MITF: variants seen among roughly 807,000 people sequenced by gnomAD.
MITF encodes microphthalmia-associated transcription factor.
In MITF, 17 loss-of-function variants were observed where a neutral mutation model predicts 60.5. That is an observed-to-expected ratio of 0.28 (90% CI 0.19 to 0.42). The LOEUF is 0.42. Ranked by LOEUF, MITF falls within the 10% of genes least tolerant of loss-of-function variation. The pLI is 1.00. For missense variants in MITF, 622 were observed against 683.5 expected, an observed-to-expected ratio of 0.91 and a Z score of 1.00; for synonymous variants, 260 against 248.5, an observed-to-expected ratio of 1.05 and a Z score of -0.43.
chr3:69,879,991 G>A (rs2064448549), intron 2 of MITF, among the ~76,000 whole-genome samples: 2 of 152,072 alleles, frequency 1.3e-5, no homozygotes, highest in African/African-American at 4.8e-5. Context: ...AATTACTAAG[G>A]AAAATTGTAA....
At chr3:69,772,896 CTG>C in intron 1 of MITF, among the ~76,000 whole-genome samples, 1 of 152,210 alleles carries the variant, frequency 6.6e-6, no homozygotes, top group Admixed American at 6.5e-5. Flanking sequence ...GGGCACCAAA[CTG>C]TTGAAAATCT....
intron 2 of MITF, among the ~76,000 whole-genome samples, chr3:69,919,754 A>G (rs759346236): frequency 6.6e-6 from 1 of 152,168 alleles, no homozygotes; most frequent in Non-Finnish European, 1.5e-5. Flanking sequence ...TTTAAAAAAT[A>G]GATTGGAAAG....
At chr3:69,882,505 T>A (rs1002143842) in intron 2 of MITF, among the ~76,000 whole-genome samples, 1 of 152,104 alleles carries the variant, frequency 6.6e-6, no homozygotes, top group Non-Finnish European at 1.5e-5. Context: ...CTGGAGTGCA[T>A]AATGCATTTT....
rs2107484254 is a variant in MITF at position 69,939,198 on chromosome 3, C to T, written c.666+17C>T. 1 of 1,607,448 alleles carries T rather than the reference C, an allele frequency of 6.2e-7. No individual in the cohort carries two copies. Among genetic ancestry groups the T allele is most frequent in the Non-Finnish European group, 8.5e-7 (1 of 1,174,216 alleles). On this transcript the variant is annotated intron_variant, in intron 4 of 9. Coordinates refer to ENST00000352241, the MANE Select transcript of MITF (RefSeq NM_001354604.2). ...TGTATGCAGGTACTGAATGACTTGGCAGCCTGAGGATGAACACTTTGTAAT... is the reference window on the plus strand; with the variant it reads ...TGTATGCAGGTACTGAATGACTTGGTAGCCTGAGGATGAACACTTTGTAAT...
At chr3:69,760,024 C>A (rs755336421) in intron 1 of MITF, among the ~76,000 whole-genome samples, 3 of 152,156 alleles carry the variant, frequency 2.0e-5, no homozygotes, top group Admixed American at 6.5e-5. Context: ...GTGATCCACC[C>A]GCCTTGGCAT....
chr3:69,826,317 T>C (rs913419792), intron 1 of MITF, among the ~76,000 whole-genome samples: 1 of 152,236 alleles, frequency 6.6e-6, no homozygotes, highest in African/African-American at 2.4e-5. Context: ...AGTAGGTACT[T>C]ACTTGGGCCT....
At chr3:69,779,555 T>G (rs998780976) in intron 1 of MITF, among the ~76,000 whole-genome samples, 9 of 152,146 alleles carry the variant, frequency 5.9e-5, no homozygotes, top group Non-Finnish European at 1.3e-4. Flanking sequence ...CTGTTTCTGA[T>G]AAGGGTCAAA....
At chr3:69,863,213 G>A (rs1056231763) in intron 1 of MITF, among the ~76,000 whole-genome samples, 3 of 152,144 alleles carry the variant, frequency 2.0e-5, no homozygotes, top group Admixed American at 6.5e-5. Flanking sequence ...ACATGTGTTC[G>A]TTAATTTGGG....
intron 7 of MITF, among the ~76,000 whole-genome samples, chr3:69,956,224 T>C (rs2066394270): frequency 6.6e-6 from 1 of 152,194 alleles, no homozygotes; most frequent in Admixed American, 6.5e-5. Flanking sequence ...TTCAGGGTTG[T>C]TATAAGAACA....
chr3:69,825,119 A>C (rs1004324146), intron 1 of MITF, among the ~76,000 whole-genome samples: 1 of 152,166 alleles, frequency 6.6e-6, no homozygotes, highest in African/African-American at 2.4e-5. Context: ...TTGAAAAGAG[A>C]AAGTTTAATA....
intron 2 of MITF, among the ~76,000 whole-genome samples, chr3:69,931,661 G>C (rs1483204612): frequency 1.3e-5 from 2 of 152,058 alleles, no homozygotes; most frequent in African/African-American, 4.8e-5. Context: ...AATAAGACAG[G>C]AAGTAGTATG....
At chr3:69,905,597 C>T (rs1222567358) in intron 2 of MITF, among the ~76,000 whole-genome samples, 4 of 152,110 alleles carry the variant, frequency 2.6e-5, no homozygotes, top group Admixed American at 1.3e-4. Context: ...TATATTCTCA[C>T]CAGCAATGTA....
chr3:69,830,468 C>G (rs915760336), intron 1 of MITF, among the ~76,000 whole-genome samples: 1 of 152,200 alleles, frequency 6.6e-6, no homozygotes, highest in Non-Finnish European at 1.5e-5. Context: ...TTGCATTCCT[C>G]TCCTGGCCCC....
intron 2 of MITF, among the ~76,000 whole-genome samples, chr3:69,891,131 T>A (rs917843533): frequency 2.0e-5 from 3 of 152,208 alleles, no homozygotes; most frequent in Non-Finnish European, 4.4e-5. Flanking sequence ...ATTTCAGTTT[T>A]CCAGTAGCTT....
At chr3:69,831,562 C>T (rs17638562) in intron 1 of MITF, among the ~76,000 whole-genome samples, 50,638 of 152,044 alleles carry the variant, frequency 0.33, 9,548 homozygotes, top group Non-Finnish European at 0.43. Flanking sequence ...ATGGATTTCA[C>T]AACAATCTTG....
chr3:69,862,849 G>A lies in MITF; in HGVS notation c.105-16285G>A, dbSNP rs1411591610. On this transcript the variant is annotated intron_variant, in intron 1 of 9. Transcript: ENST00000352241. ...AAGAGTAGTACTTATTATTGCAGAA[G>A]CACTGGAGTACTGGTGATGTTTTTA... is the stretch of plus-strand genomic sequence containing the variant. Among the ~76,000 whole-genome samples the A allele has an allele frequency of 3.3e-5, 5 of 152,144 alleles. No homozygotes were observed. In the East Asian group the frequency reaches 5.8e-4, roughly 18 times the overall value.
At chr3:69,803,720 A>G (rs923483865) in intron 1 of MITF, among the ~76,000 whole-genome samples, 1 of 152,220 alleles carries the variant, frequency 6.6e-6, no homozygotes, top group African/African-American at 2.4e-5. Flanking sequence ...CGATACATCT[A>G]AGGCCTTGCT....
intron 1 of MITF, among the ~76,000 whole-genome samples, chr3:69,804,722 C>T (rs987419277): frequency 6.6e-6 from 1 of 152,216 alleles, no homozygotes; most frequent in African/African-American, 2.4e-5. Context: ...TCGAGGGTCT[C>T]TGCAGGGTCT....
At chr3:69,924,491 A>G (rs984468151) in intron 2 of MITF, among the ~76,000 whole-genome samples, 3 of 152,218 alleles carry the variant, frequency 2.0e-5, no homozygotes, top group Non-Finnish European at 4.4e-5. Flanking sequence ...ATACATAAAT[A>G]TGTGTGCACT....
Sources: gnomAD v4.1 joint callset for allele counts (sites outside exome capture counted in the v4.1 genomes callset) on GRCh38, gnomAD v4.1.1 for gene constraint, MANE v1.5 for transcripts, NCBI Gene and HGNC (gene_info 2026-07-23, HGNC 2026-07-21) for gene names.